The following STAT1 variants were observed in gnomAD, a reference collection of about 807,000 sequenced individuals.
The protein encoded by STAT1 is signal transducer and activator of transcription 1-alpha/beta.
A neutral mutation model predicts 111.7 loss-of-function variants in STAT1; 24 were observed. The ratio of observed to expected loss-of-function variants is 0.21; its 90% CI spans 0.16 to 0.30. The LOEUF is 0.30. Ranked by LOEUF, STAT1 falls within the 10% of genes least tolerant of loss-of-function variation. The probability of loss-of-function intolerance (pLI) is 1.00; values close to 1 mark genes in which losing one functional copy is unlikely to be tolerated. For missense variants in STAT1, 351 were observed against 911.9 expected, an observed-to-expected ratio of 0.38 and a Z score of 7.92; for synonymous variants, 332 against 326.5, an observed-to-expected ratio of 1.02 and a Z score of -0.18.
At chr2:191,010,096 A>T (rs745887019) in intron 2 of STAT1, 92 bp from the exon 3 acceptor site, 15 of 1,392,074 alleles carry the variant, frequency 1.1e-5, no homozygotes, top group Non-Finnish European at 1.4e-5. Context: ...ACTCTTAAAT[A>T]TCTTGCTTAA....
In STAT1 at chr2:191,012,748, C is replaced by T. The variant is rs1337213108; in HGVS notation, c.-2+777G>A. Among the ~76,000 whole-genome samples the T allele has an allele frequency of 1.3e-5, 2 of 152,210 alleles. No individual in the cohort carries two copies. Among genetic ancestry groups the T allele is most frequent in the Non-Finnish European group, 2.9e-5 (2 of 68,036 alleles). On this transcript the variant is annotated intron_variant, in intron 2 of 24. Coordinates refer to ENST00000361099, the MANE Select transcript of STAT1 (RefSeq NM_007315.4). The surrounding 1 kb of genome is among the most constrained non-coding windows in gnomAD (Gnocchi z 4.0). Reference sequence around the variant, plus strand: ...CAACAAAGCAACCCAGTCACCAAATCATTTACTGTTTTTCAACTGTGCCCA... The same window carrying T: ...CAACAAAGCAACCCAGTCACCAAATTATTTACTGTTTTTCAACTGTGCCCA...
chr2:190,991,176 G>T, intron 11 of STAT1, 52 bp downstream of exon 11: 1 of 1,559,538 alleles, frequency 6.4e-7, no homozygotes, highest in Non-Finnish European at 8.8e-7. Flanking sequence ...GGAAACTAGG[G>T]GTACAAACTA....
Position 190,976,987 on chromosome 2 carries a change from C to A in STAT1, c.1912G>T (p.Glu638Ter). ...TCAGGGAAAGTAACAGCAGAAAGTTCTTTCTTCGTGTAGGGTTCAACCGCA... is the reference window on the plus strand; with the variant it reads ...TCAGGGAAAGTAACAGCAGAAAGTTATTTCTTCGTGTAGGGTTCAACCGCA... Reference protein sequence around the residue: ...FHAVEPYTKKELSAVTFPDII... With the variant: ...FHAVEPYTKK Residue 638 changes from glutamate (E) to a stop codon, truncating the protein, a stop_gained, in exon 22 of 25, where the codon GAA (glutamate) becomes TAA (stop). Transcript: ENST00000361099. LOFTEE classifies it high-confidence loss of function. This position sits in a 1 kb window ranked among gnomAD's most constrained non-coding sequence, Gnocchi z 6.0. The A allele has an allele frequency of 6.2e-7, 1 of 1,614,198 alleles. No individual in the cohort carries two copies. Among genetic ancestry groups the A allele is most frequent in the Non-Finnish European group, 8.5e-7 (1 of 1,180,038 alleles).
rs566696388 is a variant in STAT1 at position 191,009,101 on chromosome 2, G to A, written c.135C>T (p.His45=). The A allele has an allele frequency of 4.0e-5, 64 of 1,614,016 alleles. No homozygotes were observed. The highest frequency in any genetic ancestry group is 6.7e-5 in the East Asian group (3 of 44,866). The part of the protein sequence containing the change: ...AQWLEKQDWE[H]AANDVSFATI... ...TGGCAAATGAAACATCATTGGCAGCGTGCTCCCTAGGAGATTTAACATTTA... is the reference window on the plus strand; with the variant it reads ...TGGCAAATGAAACATCATTGGCAGCATGCTCCCTAGGAGATTTAACATTTA... Residue 45 remains histidine, a synonymous_variant, in exon 4 of 25, where the codon CAC becomes CAT. Coordinates refer to ENST00000361099, the MANE Select transcript of STAT1 (RefSeq NM_007315.4).
chr2:190,975,242 C>A lies in STAT1; in HGVS notation c.2136-310G>T. The A allele has an allele frequency of 2.2e-6, 1 of 458,850 alleles. No homozygotes were observed. The allele number at this position is 458,850 out of a possible 1,614,324, so 28.4% of individuals were successfully genotyped here. ...TGTGCGGTGCACTACCCTGAGATGA[C>A]AATGCCTCGTGGCTTACCCTGGACA... On this transcript the variant is annotated intron_variant, in intron 23 of 24. Transcript: ENST00000361099. The surrounding 1 kb of genome is among the most constrained non-coding windows in gnomAD (Gnocchi z 5.9).
Position 190,984,425 on chromosome 2 carries a change from A to G in STAT1, c.1264-32T>C, listed in dbSNP as rs374834032. 6.3e-6 allele frequency: 10 copies of G among 1,578,392 alleles called. No homozygotes were observed. Among genetic ancestry groups the G allele is most frequent in the Non-Finnish European group, 8.7e-6 (10 of 1,148,334 alleles). Reference sequence around the variant, plus strand: ...AGAGAAAAGGAAAGAAGAAAAGAATATAATTATTCACAGATCCTAAAACTT... The same window carrying G: ...AGAGAAAAGGAAAGAAGAAAAGAATGTAATTATTCACAGATCCTAAAACTT... On this transcript the variant is annotated intron_variant, in intron 15 of 24. Coordinates refer to ENST00000361099, the MANE Select transcript of STAT1 (RefSeq NM_007315.4). This position sits in a 1 kb window ranked among gnomAD's most constrained non-coding sequence, Gnocchi z 5.2.
At chr2:191,010,683 T>C (rs1176639405) in intron 2 of STAT1, among the ~76,000 whole-genome samples, 4 of 152,252 alleles carry the variant, frequency 2.6e-5, no homozygotes, top group Admixed American at 6.5e-5. Context: ...AATTCATTAT[T>C]TTTCTTATAC....
Position 190,998,611 on chromosome 2 carries a change from G to A in STAT1, c.542-303C>T, listed in dbSNP as rs760932912. Among the ~76,000 whole-genome samples the A allele has an allele frequency of 6.6e-6, 1 of 150,732 alleles. No homozygotes were observed. Among genetic ancestry groups the A allele is most frequent in the Non-Finnish European group, 1.5e-5 (1 of 67,810 alleles). Reference sequence around the variant, plus strand: ...CGGGAGGCGGAGCTTGGAGTGAGCCGAGATCTCGCCACTGCACTCTAGCCT... The same window carrying A: ...CGGGAGGCGGAGCTTGGAGTGAGCCAAGATCTCGCCACTGCACTCTAGCCT... On this transcript the variant is annotated intron_variant, in intron 7 of 24. Transcript: ENST00000361099. This position sits in a 1 kb window ranked among gnomAD's most constrained non-coding sequence, Gnocchi z 4.1.
rs1412645448 is a variant in STAT1, at chr2:190,983,666, G to A, written c.1422C>T (p.Tyr474=). The A allele has an allele frequency of 1.9e-6, 3 of 1,614,010 alleles. No individual in the cohort carries two copies. The African/African-American group carries it at 4.0e-5, about 22-fold the overall frequency. The part of the protein sequence containing the change: ...LPSGWASILW[Y]NMLVAEPRNL... ...CCCTGGGTTCCGCCACCAGCATGTT[G>A]TACCAAAGGATGGAGGCCCAACCGC... The change falls in exon 17 of 25, where the codon TAC becomes TAT. Residue 474 remains tyrosine (Y), a synonymous_variant. Coordinates refer to ENST00000361099, the MANE Select transcript of STAT1 (RefSeq NM_007315.4). This position sits in a 1 kb window ranked among gnomAD's most constrained non-coding sequence, Gnocchi z 5.7.
rs369530003 is a variant in STAT1, at chr2:190,980,035, C to T, written c.1633-169G>A. ...GGCAGGGAATATCAAGTTCCCTCCC[C>T]GCTCTTATCAGCATTCAGACCAGGA... On this transcript the variant is annotated intron_variant, in intron 19 of 24. Coordinates refer to ENST00000361099, the MANE Select transcript of STAT1 (RefSeq NM_007315.4). The surrounding 1 kb of genome is among the most constrained non-coding windows in gnomAD (Gnocchi z 6.1). Among the ~76,000 whole-genome samples, 40 of 152,298 alleles carry T rather than the reference C, an allele frequency of 2.6e-4. No homozygotes were observed. Among genetic ancestry groups the T allele is most frequent in the African/African-American group, 8.7e-4 (36 of 41,554 alleles).
chr2:190,979,039 C>A lies in STAT1; in HGVS notation c.1728-38G>T, dbSNP rs556189473. ...GAGATGGACGGATGGGCTTTTAGTTCAATCATGATTTCCATTTTCATGCTA... is the reference window on the plus strand; with the variant it reads ...GAGATGGACGGATGGGCTTTTAGTTAAATCATGATTTCCATTTTCATGCTA... On this transcript the variant is annotated intron_variant, in intron 20 of 24. Transcript: ENST00000361099. This position sits in a 1 kb window ranked among gnomAD's most constrained non-coding sequence, Gnocchi z 5.8. 6.2e-7 allele frequency: 1 copy of A among 1,613,308 alleles called. No individual in the cohort carries two copies. The highest frequency in any genetic ancestry group is 8.5e-7 in the Non-Finnish European group (1 of 1,179,648).
At position 190,976,971 on chromosome 2, in the gene STAT1, G is replaced by A; in HGVS notation, c.1928C>T (p.Thr643Ile). 1 of 1,614,236 alleles carries A rather than the reference G, an allele frequency of 6.2e-7. No homozygotes were observed. The highest frequency in any genetic ancestry group is 1.3e-5 in the African/African-American group (1 of 75,064). The change falls in exon 22 of 25, where the codon ACT becomes ATT. Residue 643 changes from threonine to isoleucine, a missense_variant. By Grantham distance (89) the Thr-to-Ile change is moderately conservative. This residue lies in a region of STAT1 where 181 missense variants were observed against 426.1 expected (regional missense o/e 0.42). Coordinates refer to ENST00000361099, the MANE Select transcript of STAT1 (RefSeq NM_007315.4). This position sits in a 1 kb window ranked among gnomAD's most constrained non-coding sequence, Gnocchi z 6.0. ...GTAATTGCGAATGATGTCAGGGAAA[G>A]TAACAGCAGAAAGTTCTTTCTTCGT... is the stretch of plus-strand genomic sequence containing the variant. ...PYTKKELSAV[T>I]FPDIIRNYKV... is the part of the protein sequence containing the mutation.
Position 190,982,599 on chromosome 2 carries a change from C to G in STAT1, c.1447-81G>C. ...GTGGCACTAAAACATATGTCCATCCCAAAGTTCAATTCTAGTTTATATGAC... is the reference window on the plus strand; with the variant it reads ...GTGGCACTAAAACATATGTCCATCCGAAAGTTCAATTCTAGTTTATATGAC... On this transcript the variant is annotated intron_variant, in intron 17 of 24. Coordinates refer to ENST00000361099, the MANE Select transcript of STAT1 (RefSeq NM_007315.4). This position sits in a 1 kb window ranked among gnomAD's most constrained non-coding sequence, Gnocchi z 7.3. 11 of 1,509,172 alleles carry G rather than the reference C, an allele frequency of 7.3e-6. No individual in the cohort carries two copies. Among genetic ancestry groups the G allele is most frequent in the Non-Finnish European group, 1.0e-5 (11 of 1,085,678 alleles). The allele number at this position is 1,509,172 out of a possible 1,614,324, so 93.5% of individuals were successfully genotyped here. A position where few individuals can be genotyped will look rare whatever the true frequency, so the allele number is the denominator to read the frequency against.
At position 190,978,946 on chromosome 2, in the gene STAT1, G is replaced by A. The variant is rs2125007531; in HGVS notation, c.1783C>T (p.Gln595Ter). 1 of 1,614,180 alleles carries A rather than the reference G, an allele frequency of 6.2e-7. No individual in the cohort carries two copies. The highest frequency in any genetic ancestry group is 8.5e-7 in the Non-Finnish European group (1 of 1,180,016). Residue 595 changes from glutamine to a stop codon, truncating the protein, a stop_gained, in exon 21 of 25, where the codon CAG (glutamine) becomes TAG (stop). Transcript: ENST00000361099. LOFTEE classifies it high-confidence loss of function. This position sits in a 1 kb window ranked among gnomAD's most constrained non-coding sequence, Gnocchi z 6.1. ...AACCGCAGCAGGAAGGTCCCCGGCT[G>A]CTGGTCCTTCAACAGGGCACGCTCT... Reference protein sequence around the residue: ...ERERALLKDQQPGTFLLRFSE... With the variant: ...ERERALLKDQ
At position 191,007,696 on chromosome 2, in the gene STAT1, A is replaced by G; in HGVS notation, c.274-35T>C. 2.1e-6 allele frequency: 3 copies of G among 1,441,214 alleles called. No individual in the cohort carries two copies. Among genetic ancestry groups the G allele is most frequent in the Non-Finnish European group, 2.0e-6 (2 of 1,024,592 alleles). The allele number at this position is 1,441,214 out of a possible 1,614,324, so 89.3% of individuals were successfully genotyped here. ...AGTGGTTAGAACAAAAATAAATTAA[A>G]ATGCAGAATGTTTACTTTATTGTGT... On this transcript the variant is annotated intron_variant, in intron 4 of 24. Coordinates refer to ENST00000361099, the MANE Select transcript of STAT1 (RefSeq NM_007315.4). This position sits in a 1 kb window ranked among gnomAD's most constrained non-coding sequence, Gnocchi z 4.2.
rs1694774887 is a variant in STAT1 at position 191,007,237 on chromosome 2, C to G, written c.372+326G>C. On this transcript the variant is annotated intron_variant, in intron 5 of 24. Transcript: ENST00000361099. The surrounding 1 kb of genome is among the most constrained non-coding windows in gnomAD (Gnocchi z 4.2). ...TGCTTCCATTCCTGTGCCAGCAACTCAGAGGCCTTTCCTGACCCTGATCTA... is the reference window on the plus strand; with the variant it reads ...TGCTTCCATTCCTGTGCCAGCAACTGAGAGGCCTTTCCTGACCCTGATCTA... Among the ~76,000 whole-genome samples the G allele has an allele frequency of 6.6e-6, 1 of 152,208 alleles. No homozygotes were observed. Among genetic ancestry groups the G allele is most frequent in the East Asian group, 1.9e-4 (1 of 5,202 alleles).
Position 190,997,906 on chromosome 2 carries a change from G to A in STAT1, c.735C>T (p.Ser245=), listed in dbSNP as rs768384746. Residue 245 remains serine, a synonymous_variant, in exon 9 of 25, where the codon AGC becomes AGT. Coordinates refer to ENST00000361099, the MANE Select transcript of STAT1 (RefSeq NM_007315.4). The surrounding 1 kb of genome is among the most constrained non-coding windows in gnomAD (Gnocchi z 7.3). ...CATTGGGCGGCCCCCCAATACAGGC[G>A]CTCTGCTGTCTCCGCTTCCACTCCA... ...ELVEWKRRQQ[S]ACIGGPPNAC... The A allele has an allele frequency of 1.4e-5, 23 of 1,614,040 alleles. No individual in the cohort carries two copies. Among genetic ancestry groups the A allele is most frequent in the Admixed American group, 5.0e-5 (3 of 59,992 alleles).
rs1574648191 is a variant in STAT1 at position 190,986,358 on chromosome 2, G to A, written c.1221+496C>T. Among the ~76,000 whole-genome samples, 1 of 152,118 alleles carries A rather than the reference G, an allele frequency of 6.6e-6. No homozygotes were observed. The highest frequency in any genetic ancestry group is 2.4e-5 in the African/African-American group (1 of 41,416). On this transcript the variant is annotated intron_variant, in intron 14 of 24. Transcript: ENST00000361099. The surrounding 1 kb of genome is among the most constrained non-coding windows in gnomAD (Gnocchi z 5.0). The stretch of plus-strand genomic sequence containing the variant: ...TGCACCCACACAGAGCATCCTGCTG[G>A]GTCTCCACTGCCTGGGGAATGAGCC...
Position 190,997,781 on chromosome 2 carries a change from A to C in STAT1, c.785+75T>G. On this transcript the variant is annotated intron_variant, in intron 9 of 24. Coordinates refer to ENST00000361099, the MANE Select transcript of STAT1 (RefSeq NM_007315.4). This position sits in a 1 kb window ranked among gnomAD's most constrained non-coding sequence, Gnocchi z 7.3. ...TTTTGACAGGGTCCATTCAACTAAC[A>C]CAGCTCAAAGGTACATTTATGTGTT... 1.9e-6 allele frequency: 3 copies of C among 1,605,104 alleles called. No homozygotes were observed. The highest frequency in any genetic ancestry group is 2.6e-6 in the Non-Finnish European group (3 of 1,175,374).
Sources: gnomAD v4.1 joint callset for allele counts (sites outside exome capture counted in the v4.1 genomes callset) on GRCh38, gnomAD v4.1.1 for gene constraint, gnomAD v4.1.1 regional missense constraint, Gnocchi (gnomAD v3.1) non-coding constraint, MANE v1.5 for transcripts, NCBI Gene and HGNC (gene_info 2026-07-23, HGNC 2026-07-21) for gene names.